The following ADGRB3 variants were observed in gnomAD, a reference collection of about 807,000 sequenced individuals.
The protein encoded by ADGRB3 is brain-specific angiogenesis inhibitor 3.
A neutral mutation model predicts 193.4 loss-of-function variants in ADGRB3; 37 were observed. That is an observed-to-expected ratio of 0.19 (90% CI 0.15 to 0.25). The LOEUF (loss-of-function observed/expected upper bound fraction) is 0.25. Ranked by LOEUF, ADGRB3 falls within the 10% of genes least tolerant of loss-of-function variation. The pLI is 1.00. For missense variants in ADGRB3, 1,637 were observed against 1,852.9 expected (o/e 0.88, Z 2.14); for synonymous variants, 690 against 644.2 (o/e 1.07, Z -1.08).
Position 68,958,959 on chromosome 6 carries a change from A to G in ADGRB3, c.1525+2150A>G, listed in dbSNP as rs539690357. Among the ~76,000 whole-genome samples the G allele has an allele frequency of 1.1e-4, 16 of 152,146 alleles. No homozygotes were observed. In the East Asian group the frequency reaches 2.9e-3, roughly 28 times the overall value. ...ATATATCCTTGTCTGGTGCATTTAT[A>G]TAAACAAAAATTGCATTGTCCATCA... On this transcript the variant is annotated intron_variant, in intron 8 of 31. Coordinates refer to ENST00000370598, the MANE Select transcript of ADGRB3 (RefSeq NM_001704.3).
intron 3 of ADGRB3, among the ~76,000 whole-genome samples, chr6:68,657,949 A>ATGGAAATTTACCATCTGTAG (rs1768530769): frequency 6.6e-6 from 1 of 151,378 alleles, no homozygotes; most frequent in African/African-American, 2.4e-5. Context: ...TAATCCGTTA[A>ATGGAAATTTACCATCTGTAG]TGGAAATTTA....
intron 17 of ADGRB3, among the ~76,000 whole-genome samples, chr6:69,161,014 A>G (rs1203397945): frequency 2.0e-5 from 3 of 152,114 alleles, no homozygotes; most frequent in African/African-American, 7.2e-5. Context: ...CTAGTATGGT[A>G]ACTGATATCA....
chr6:69,362,463 A>C (rs533419668), intron 29 of ADGRB3, among the ~76,000 whole-genome samples: 1 of 152,028 alleles, frequency 6.6e-6, no homozygotes, highest in South Asian at 2.1e-4. Context: ...GCTTCTCCCC[A>C]AAGCCATTCC....
chr6:69,090,599 G>A (rs755062715), intron 17 of ADGRB3, among the ~76,000 whole-genome samples: 1 of 152,070 alleles, frequency 6.6e-6, no homozygotes, highest in Non-Finnish European at 1.5e-5. Context: ...TTGGTACTGG[G>A]GACACAAATA....
intron 20 of ADGRB3, among the ~76,000 whole-genome samples, chr6:69,255,487 T>C (rs1766741359): frequency 6.6e-6 from 1 of 152,262 alleles, no homozygotes; most frequent in African/African-American, 2.4e-5. Flanking sequence ...CATGTGTTTT[T>C]TGGCTGCATA....
chr6:68,918,448 T>A (rs898570951), intron 3 of ADGRB3, among the ~76,000 whole-genome samples: 2 of 152,218 alleles, frequency 1.3e-5, no homozygotes, highest in Admixed American at 1.3e-4. Flanking sequence ...CCATGTTTAA[T>A]GGATATTACT....
At chr6:68,708,596 A>AG (rs1765362591) in intron 3 of ADGRB3, among the ~76,000 whole-genome samples, 1 of 152,186 alleles carries the variant, frequency 6.6e-6, no homozygotes, top group Non-Finnish European at 1.5e-5. Context: ...TTTTTTAAAA[A>AG]CAAAACCGAA....
chr6:68,666,603 A>G (rs1768807141), intron 3 of ADGRB3, among the ~76,000 whole-genome samples: 1 of 151,976 alleles, frequency 6.6e-6, no homozygotes. Context: ...CTATCAAGAT[A>G]TTTTGAGAAA....
At chr6:68,899,725 A>G (rs2150232593) in intron 3 of ADGRB3, among the ~76,000 whole-genome samples, 1 of 152,132 alleles carries the variant, frequency 6.6e-6, no homozygotes, top group East Asian at 1.9e-4. Context: ...TTATATACCA[A>G]ACTGTAGGCC....
intron 11 of ADGRB3, among the ~76,000 whole-genome samples, chr6:69,011,462 C>A (rs1380681753): frequency 6.6e-6 from 1 of 151,708 alleles, no homozygotes; most frequent in Non-Finnish European, 1.5e-5. Flanking sequence ...AAAATAGACA[C>A]TGGGGACTAA....
At chr6:69,307,074 T>A (rs765265976) in intron 20 of ADGRB3, among the ~76,000 whole-genome samples, 2 of 151,374 alleles carry the variant, frequency 1.3e-5, no homozygotes, top group African/African-American at 2.4e-5. Flanking sequence ...AAAATAGCTT[T>A]TTTTTTTGCT....
At chr6:69,345,876 C>A (rs1486091316) in intron 26 of ADGRB3, among the ~76,000 whole-genome samples, 1 of 152,204 alleles carries the variant, frequency 6.6e-6, no homozygotes, top group Non-Finnish European at 1.5e-5. Context: ...AGCCCCAAAC[C>A]TTCTTCAGCT....
chr6:68,902,853 C>A (rs1766436145), intron 3 of ADGRB3, among the ~76,000 whole-genome samples: 1 of 152,092 alleles, frequency 6.6e-6, no homozygotes, highest in Admixed American at 6.5e-5. Context: ...TCTCACCTCA[C>A]ATATATGATT....
intron 13 of ADGRB3, among the ~76,000 whole-genome samples, chr6:69,034,641 T>C (rs918588296): frequency 6.7e-6 from 1 of 148,372 alleles, no homozygotes; most frequent in Non-Finnish European, 1.5e-5. Flanking sequence ...AATATATAAC[T>C]ATATGGTGAG....
At chr6:68,756,132 G>A (rs1249879641) in intron 3 of ADGRB3, among the ~76,000 whole-genome samples, 1 of 151,964 alleles carries the variant, frequency 6.6e-6, no homozygotes, top group Non-Finnish European at 1.5e-5. Flanking sequence ...CTCGGCTGTG[G>A]GAAATTTCTT....
chr6:68,890,379 G>A (rs1025294375), intron 3 of ADGRB3, among the ~76,000 whole-genome samples: 2 of 152,112 alleles, frequency 1.3e-5, no homozygotes, highest in African/African-American at 4.8e-5. Flanking sequence ...CCATCTGAGG[G>A]ACTACAACGT....
chr6:68,657,832 A>G (rs1768528278), intron 3 of ADGRB3, among the ~76,000 whole-genome samples: 1 of 151,380 alleles, frequency 6.6e-6, no homozygotes, highest in African/African-American at 2.4e-5. Context: ...ATCTATTTTG[A>G]TTAATTATGT....
At chr6:69,172,535 T>C (rs1775299646) in intron 17 of ADGRB3, among the ~76,000 whole-genome samples, 1 of 145,578 alleles carries the variant, frequency 6.9e-6, no homozygotes, top group African/African-American at 2.5e-5. Context: ...TCCCAGCTGC[T>C]CGGGAGGCTG....
chr6:68,856,319 A>G (rs577055937), intron 3 of ADGRB3, among the ~76,000 whole-genome samples: 6 of 152,378 alleles, frequency 3.9e-5, no homozygotes, highest in African/African-American at 1.2e-4. Context: ...GGTAACAGGC[A>G]TAGGTTTGAA....
Sources: gnomAD v4.1 joint callset for allele counts (sites outside exome capture counted in the v4.1 genomes callset) on GRCh38, gnomAD v4.1.1 for gene constraint, MANE v1.5 for transcripts, NCBI Gene and HGNC (gene_info 2026-07-23, HGNC 2026-07-21) for gene names.